Variants in LRRC2 observed in about 807,000 individuals in gnomAD.
LRRC2 encodes leucine rich repeat containing 2.
In LRRC2, 27 loss-of-function variants were observed where a neutral mutation model predicts 40.2. That is an observed-to-expected ratio of 0.67 (90% CI 0.49 to 0.93). The LOEUF is 0.93. Among genes scored for constraint, LRRC2 ranks in the 40% least tolerant of loss-of-function variants. The pLI is 0.00. For synonymous variants in LRRC2, 147 were observed against 158.9 expected (o/e 0.92, Z 0.56); for missense variants, 402 against 439.6 (o/e 0.91, Z 0.76).
At chr3:46,543,602 C>G (rs577281425) in intron 3 of LRRC2, among the ~76,000 whole-genome samples, 1 of 142,974 alleles carries the variant, frequency 7.0e-6, no homozygotes, top group African/African-American at 2.6e-5. Context: ...GGTGACAGAG[C>G]GAGACTCCAT....
At chr3:46,558,115 C>T (rs1704851777) in intron 1 of LRRC2, 1 of 152,196 alleles carries the variant, frequency 6.6e-6, no homozygotes, top group East Asian at 1.9e-4. Flanking sequence ...TGAGCCCATG[C>T]TTGGGGCAGA....
Position 46,556,757 on chromosome 3 carries a change from T to C in LRRC2, c.-19-5147A>G, listed in dbSNP as rs1225544538. 8.6e-5 allele frequency among the ~76,000 whole-genome samples: 13 copies of C among 152,002 alleles called. No homozygotes were observed. In the South Asian group the frequency reaches 2.7e-3, roughly 32 times the overall value. ...CCACGCCCGGCTAATTTTTGTATTT[T>C]TAGTAGAGACAGGGTTTCACCATGT... On this transcript the variant is annotated intron_variant, in intron 1 of 8. Transcript: ENST00000395905.
intron 4 of LRRC2, among the ~76,000 whole-genome samples, chr3:46,534,074 C>G (rs1278986591): frequency 1.3e-5 from 2 of 151,954 alleles, no homozygotes; most frequent in African/African-American, 2.4e-5. Flanking sequence ...GTTCTCCCTC[C>G]CCTTGCCCCA....
At chr3:46,526,628 C>T (rs1704063964) in intron 7 of LRRC2, among the ~76,000 whole-genome samples, 1 of 152,238 alleles carries the variant, frequency 6.6e-6, no homozygotes, top group Non-Finnish European at 1.5e-5. Flanking sequence ...GTTTGCCATG[C>T]ATTTATTGCA....
intron 3 of LRRC2, among the ~76,000 whole-genome samples, chr3:46,539,939 C>A (rs1472694614): frequency 6.6e-6 from 1 of 151,862 alleles, no homozygotes; most frequent in African/African-American, 2.4e-5. Context: ...GTGCTCAGCA[C>A]TGAGGGGTGG....
intron 1 of LRRC2, among the ~76,000 whole-genome samples, chr3:46,561,249 G>A (rs1027591997): frequency 6.6e-6 from 1 of 152,058 alleles, no homozygotes; most frequent in Non-Finnish European, 1.5e-5. Context: ...GTGAAAAAGG[G>A]GCAGGGTGGC....
Position 46,566,292 on chromosome 3 carries a change from G to T in LRRC2, c.-135C>A, listed in dbSNP as rs112603053. 1.3e-5 allele frequency: 2 copies of T among 151,320 alleles called. No individual in the cohort carries two copies. Among genetic ancestry groups the T allele is most frequent in the African/African-American group, 2.4e-5 (1 of 41,432 alleles). 9.4% of individuals were successfully genotyped at this position (151,320 alleles called of 1,614,324 possible). A position where few individuals can be genotyped will look rare whatever the true frequency, so the allele number is the denominator to read the frequency against. On this transcript the variant is annotated 5_prime_UTR_variant, in exon 1 of 9. Transcript: ENST00000395905. ...ACCCGCTGAGCAGCACGGCCGAGCCGGAAGAAGCCTCCCGTGCCTGTGCGC... is the reference window on the plus strand; with the variant it reads ...ACCCGCTGAGCAGCACGGCCGAGCCTGAAGAAGCCTCCCGTGCCTGTGCGC...
At chr3:46,543,618 T>TTAATAATAA (rs202012137) in intron 3 of LRRC2, among the ~76,000 whole-genome samples, 4,938 of 104,996 alleles carry the variant, frequency 0.047, 140 homozygotes, top group South Asian at 0.15. Flanking sequence ...TCCATCTCAA[T>TTAATAATAA]TAATAATAAT....
intron 7 of LRRC2, among the ~76,000 whole-genome samples, chr3:46,522,760 AACACACACACACACACAC>A (rs71098411): frequency 0.19 from 27,307 of 143,270 alleles, 2,969 homozygotes; most frequent in Middle Eastern, 0.29. Context: ...AACTACTGCT[AACACACACACACACACAC>A]ACACACACAC....
In LRRC2 at chr3:46,551,622, A is replaced by G. The variant is rs766450535; in HGVS notation, c.-19-12T>C. On this transcript the variant is annotated splice_polypyrimidine_tract_variant and intron_variant, in intron 1 of 8. Transcript: ENST00000395905. Reference sequence around the variant, plus strand: ...GAGCATGAAATTACCTATTTAAAAAATATATAGATATGTCAGCTTGATACA... The same window carrying G: ...GAGCATGAAATTACCTATTTAAAAAGTATATAGATATGTCAGCTTGATACA... 1 of 1,585,878 alleles carries G rather than the reference A, an allele frequency of 6.3e-7. No homozygotes were observed. Among genetic ancestry groups the G allele is most frequent in the Admixed American group, 1.8e-5 (1 of 55,456 alleles).
intron 3 of LRRC2, among the ~76,000 whole-genome samples, chr3:46,542,131 A>G (rs1051403170): frequency 6.6e-5 from 10 of 152,124 alleles, no homozygotes; most frequent in Non-Finnish European, 1.3e-4. Flanking sequence ...AGTGCTCTGG[A>G]CAACCCAGTG....
chr3:46,525,290 G>A (rs1392575631), intron 7 of LRRC2, among the ~76,000 whole-genome samples: 1 of 149,634 alleles, frequency 6.7e-6, no homozygotes, highest in Non-Finnish European at 1.5e-5. Context: ...TTGCTGTGTT[G>A]CTCAGGTTGG....
At position 46,552,737 on chromosome 3, in the gene LRRC2, C is replaced by T. The variant is rs2107041761; in HGVS notation, c.-19-1127G>A. On this transcript the variant is annotated intron_variant, in intron 1 of 8. Coordinates refer to ENST00000395905, the MANE Select transcript of LRRC2 (RefSeq NM_024512.5). ...CCATTAAGTTAAAAAAAAAATGGCA[C>T]TGAGCCCCACTGAGCACTCTGCCAC... Among the ~76,000 whole-genome samples the T allele has an allele frequency of 2.0e-5, 3 of 152,288 alleles. No homozygotes were observed. The Middle Eastern group carries it at 0.01, about 518-fold the overall frequency.
At chr3:46,533,851 CTTCT>C (rs1174499142) in intron 4 of LRRC2, among the ~76,000 whole-genome samples, 4 of 125,770 alleles carry the variant, frequency 3.2e-5, no homozygotes, top group East Asian at 4.6e-4. Context: ...TTCTTTCTTT[CTTCT>C]TTCTTTCTCT....
intron 4 of LRRC2, among the ~76,000 whole-genome samples, chr3:46,533,787 C>CTTTCTTTCTTTGTTTGTTTCTTTCT (rs1704208803): frequency 7.3e-6 from 1 of 136,892 alleles, no homozygotes; most frequent in Non-Finnish European, 1.6e-5. Flanking sequence ...TTCTTTCTTT[C>CTTTCTTTCTTTGTTTGTTTCTTTCT]TTTCTTTCTT....
chr3:46,524,271 C>T (rs565744897), intron 7 of LRRC2, among the ~76,000 whole-genome samples: 4 of 152,312 alleles, frequency 2.6e-5, no homozygotes, highest in Admixed American at 1.3e-4. Flanking sequence ...CTAGCAGGTC[C>T]TCAGGGCAGT....
In LRRC2 at chr3:46,518,589, G is replaced by A. The variant is rs151128208; in HGVS notation, c.*425C>T. ...GCTGGCCAAACCAGCCTCGAACTCC[G>A]GACCTCAGGTGATCCACCCACTTCG... is the stretch of plus-strand genomic sequence containing the variant. On this transcript the variant is annotated 3_prime_UTR_variant, in exon 9 of 9. Coordinates refer to ENST00000395905, the MANE Select transcript of LRRC2 (RefSeq NM_024512.5). The A allele has an allele frequency of 2.2e-3, 335 of 153,254 alleles. 3 individuals carry two copies. Among genetic ancestry groups the A allele is most frequent in the East Asian group, 0.018 (92 of 5,216 alleles). 9.5% of individuals were successfully genotyped at this position (153,254 alleles called of 1,614,324 possible). A position where few individuals can be genotyped will look rare whatever the true frequency, so the allele number is the denominator to read the frequency against.
intron 4 of LRRC2, among the ~76,000 whole-genome samples, chr3:46,538,400 C>T (rs1704310982): frequency 6.6e-6 from 1 of 152,018 alleles, no homozygotes; most frequent in African/African-American, 2.4e-5. Context: ...TTTGGGAAGC[C>T]GAGGCAGGCA....
chr3:46,534,444 C>G (rs1203248117), intron 4 of LRRC2, among the ~76,000 whole-genome samples: 1 of 133,396 alleles, frequency 7.5e-6, no homozygotes, highest in African/African-American at 3.7e-5. Context: ...TTCTTTCTTT[C>G]TTTCTTTCTT....
Sources: gnomAD v4.1 joint callset for allele counts (sites outside exome capture counted in the v4.1 genomes callset) on GRCh38, gnomAD v4.1.1 for gene constraint, MANE v1.5 for transcripts, NCBI Gene and HGNC (gene_info 2026-07-23, HGNC 2026-07-21) for gene names.